The following EDA variants were observed in gnomAD, a reference collection of about 807,000 sequenced individuals.
The protein encoded by EDA is ectodysplasin-A.
Under a neutral mutation model 23.6 loss-of-function variants are expected in EDA, and 2 were observed. The observed-to-expected ratio is 0.08, with a 90% CI of 0.03 to 0.27. EDA has a LOEUF of 0.27. Among genes scored for constraint, EDA ranks in the 10% least tolerant of loss-of-function variants. The pLI is 1.00. For missense variants in EDA, 229 were observed against 324.2 expected (o/e 0.71, Z 2.26); for synonymous variants, 131 against 132.0 (o/e 0.99, Z 0.05).
At chrX:69,787,490 G>T (rs1276118078) in intron 1 of EDA, among the ~76,000 whole-genome samples, 1 of 101,537 alleles carries the variant, frequency 9.8e-6, no homozygotes, top group Non-Finnish European at 2.0e-5. Context: ...AGGCCTGGTG[G>T]TGACAAAATC....
chrX:69,663,731 G>T (rs1348842131), intron 1 of EDA, among the ~76,000 whole-genome samples: 1 of 111,934 alleles, frequency 8.9e-6, no homozygotes, highest in Non-Finnish European at 1.9e-5. Context: ...GACACTCAAC[G>T]CCACCCTGTT....
At chrX:69,678,149 C>T (rs1450730838) in intron 1 of EDA, among the ~76,000 whole-genome samples, 4 of 110,569 alleles carry the variant, frequency 3.6e-5, no homozygotes, top group African/African-American at 9.9e-5. Flanking sequence ...CGACGTTATT[C>T]CTGAGGGCTC....
intron 1 of EDA, among the ~76,000 whole-genome samples, chrX:69,623,089 A>G (rs1024413475): frequency 1.7e-4 from 19 of 112,013 alleles, no homozygotes; most frequent in Admixed American, 1.3e-3. Context: ...TAATTACTGG[A>G]CTTTATTATT....
intron 1 of EDA, among the ~76,000 whole-genome samples, chrX:69,762,099 A>G (rs955676443): frequency 3.6e-5 from 4 of 111,772 alleles, no homozygotes; most frequent in Non-Finnish European, 7.5e-5. Context: ...GTATCAGTAT[A>G]TATATTTAAT....
intron 1 of EDA, among the ~76,000 whole-genome samples, chrX:69,889,711 A>C (rs2017894151): frequency 8.9e-6 from 1 of 111,796 alleles, no homozygotes; most frequent in Admixed American, 9.5e-5. Flanking sequence ...ATGACTGTAA[A>C]TATTTTCTCT....
intron 1 of EDA, among the ~76,000 whole-genome samples, chrX:69,912,769 CTTTT>C (rs750059116): frequency 3.8e-5 from 3 of 79,207 alleles, no homozygotes; most frequent in Admixed American, 1.5e-4. Flanking sequence ...TTTTTCTTTT[CTTTT>C]TTTTTTTTTT....
chrX:69,928,108 A>G (rs767996953), intron 1 of EDA, among the ~76,000 whole-genome samples: 1 of 111,254 alleles, frequency 9.0e-6, no homozygotes, highest in Admixed American at 9.6e-5. Context: ...GGTAAGTGGC[A>G]TGCTTTAACC....
chrX:69,742,622 C>T (rs1354981027), intron 1 of EDA, among the ~76,000 whole-genome samples: 1 of 112,008 alleles, frequency 8.9e-6, no homozygotes, highest in Non-Finnish European at 1.9e-5. Context: ...CTTCATGCCA[C>T]TATCCTGGAA....
intron 1 of EDA, among the ~76,000 whole-genome samples, chrX:69,707,375 G>A (rs1168782211): frequency 8.9e-6 from 1 of 111,926 alleles, no homozygotes; most frequent in Non-Finnish European, 1.9e-5. Context: ...GCCTTTGGGG[G>A]CTTCTTCTAG....
chrX:70,006,881 ATAAGAGTTTTAT>A (rs1160142388), intron 2 of EDA, among the ~76,000 whole-genome samples: 1 of 111,120 alleles, frequency 9.0e-6, no homozygotes, highest in Non-Finnish European at 1.9e-5. Context: ...ATGTTATCTT[ATAAGAGTTTTAT>A]GGTTTTGTGC....
intron 1 of EDA, among the ~76,000 whole-genome samples, chrX:69,743,392 G>T (rs774092057): frequency 7.2e-5 from 8 of 111,790 alleles, no homozygotes; most frequent in Non-Finnish European, 1.5e-4. Flanking sequence ...TATAGTAGTT[G>T]GTTTTTTGTA....
At chrX:69,949,937 A>C (rs2018889642) in intron 1 of EDA, among the ~76,000 whole-genome samples, 1 of 109,339 alleles carries the variant, frequency 9.1e-6, no homozygotes, top group South Asian at 4.0e-4. Flanking sequence ...ACAAAAATCA[A>C]TTCAAGATGG....
At chrX:69,783,379 T>C (rs891789384) in intron 1 of EDA, among the ~76,000 whole-genome samples, 1 of 109,876 alleles carries the variant, frequency 9.1e-6, no homozygotes, top group Non-Finnish European at 1.9e-5. Flanking sequence ...GCTGGTGCGC[T>C]GCACCCACTA....
rs967737757 is a variant in EDA, at chrX:69,621,011, G to A, written c.396+4307G>A. 3 of 326,748 alleles carry A rather than the reference G, an allele frequency of 9.2e-6. No individual in the cohort carries two copies. The Admixed American group carries it at 1.1e-4, about 12-fold the overall frequency. 26.9% of individuals were successfully genotyped at this position (326,748 alleles called of 1,213,427 possible). On this transcript the variant is annotated intron_variant, in intron 1 of 7. Transcript: ENST00000374552. ...TAGAATAATTAGAAAGTGAAATGGA[G>A]AAGAGCCTTAACCACGTGGTCAGTC...
intron 2 of EDA, among the ~76,000 whole-genome samples, chrX:70,011,321 T>C (rs1023139362): frequency 1.2e-4 from 13 of 110,452 alleles, no homozygotes; most frequent in African/African-American, 3.9e-4. Context: ...GAAAGCATTT[T>C]TGCATTTTCG....
At chrX:69,771,314 T>C (rs751526156) in intron 1 of EDA, among the ~76,000 whole-genome samples, 2 of 110,977 alleles carry the variant, frequency 1.8e-5, no homozygotes, top group Admixed American at 1.9e-4. Flanking sequence ...CACCTCGGCC[T>C]CCCAAAGTGC....
intron 2 of EDA, among the ~76,000 whole-genome samples, chrX:69,966,155 T>TG (rs1388074857): frequency 2.7e-5 from 3 of 112,079 alleles, no homozygotes; most frequent in Non-Finnish European, 5.6e-5. Context: ...TAATTAGGGG[T>TG]GGAAAAACTC....
intron 1 of EDA, among the ~76,000 whole-genome samples, chrX:69,736,917 G>A (rs945359602): frequency 1.8e-5 from 2 of 108,178 alleles, no homozygotes; most frequent in East Asian, 2.9e-4. Context: ...GATTACAGGC[G>A]CCTGCCACCA....
At chrX:69,848,651 C>T (rs760407788) in intron 1 of EDA, among the ~76,000 whole-genome samples, 1 of 111,716 alleles carries the variant, frequency 9.0e-6, no homozygotes, top group African/African-American at 3.3e-5. Flanking sequence ...TTCAGTGTTT[C>T]ACCAAGTATA....
Sources: allele counts gnomAD v4.1 joint callset (sites outside exome capture counted in the v4.1 genomes callset), GRCh38; gene constraint gnomAD v4.1.1; transcripts MANE v1.5; gene names NCBI Gene and HGNC (gene_info 2026-07-23, HGNC 2026-07-21).